IFT57: variants seen among roughly 807,000 people sequenced by gnomAD.
IFT57 encodes the protein intraflagellar transport protein 57 homolog.
A neutral mutation model predicts 56.8 loss-of-function variants in IFT57; 59 were observed. That is an observed-to-expected ratio of 1.04 (90% confidence interval 0.84 to 1.29). The LOEUF (loss-of-function observed/expected upper bound fraction) is 1.29. Ranked by LOEUF, IFT57 falls within the 50% of genes most tolerant of loss-of-function variation. IFT57 has a pLI of 0.00. For synonymous variants in IFT57, 209 were observed against 186.1 expected (o/e 1.12, Z -1.00); for missense variants, 470 against 522.1 (o/e 0.90, Z 0.97).
At chr3:108,211,196 A>G (rs1338042335) in intron 4 of IFT57, among the ~76,000 whole-genome samples, 1 of 152,210 alleles carries the variant, frequency 6.6e-6, no homozygotes, top group Non-Finnish European at 1.5e-5. Flanking sequence ...TCCTCAGACT[A>G]GCAGTTCTTA....
At chr3:108,204,429 T>C (rs148470191) in intron 5 of IFT57, among the ~76,000 whole-genome samples, 3 of 152,306 alleles carry the variant, frequency 2.0e-5, no homozygotes, top group Admixed American at 1.3e-4. Flanking sequence ...TCAGGACCAA[T>C]AAGGAATTGG....
In IFT57 at chr3:108,202,311, C is replaced by A. The variant is rs1377274; in HGVS notation, c.654+4317G>T. On this transcript the variant is annotated intron_variant, in intron 5 of 10. Coordinates refer to ENST00000264538, the MANE Select transcript of IFT57 (RefSeq NM_018010.4). ...TTACGGCATAGCCACTGTGAACATG[C>A]AAGCAGTGCCCAACTGACATATGCA... Among the ~76,000 whole-genome samples, 377 of 152,310 alleles carry A rather than the reference C, an allele frequency of 2.5e-3. 4 individuals carry two copies. Among genetic ancestry groups the A allele is most frequent in the African/African-American group, 8.7e-3 (363 of 41,564 alleles).
chr3:108,185,571 T>G (rs1350164427), intron 6 of IFT57, among the ~76,000 whole-genome samples: 1 of 147,528 alleles, frequency 6.8e-6, no homozygotes, highest in Non-Finnish European at 1.5e-5. Context: ...TTTTTTTTTT[T>G]TTTTTTGAGA....
chr3:108,177,564 A>C (rs1362101777), intron 6 of IFT57, among the ~76,000 whole-genome samples: 4 of 151,754 alleles, frequency 2.6e-5, no homozygotes, highest in Non-Finnish European at 5.9e-5. Flanking sequence ...CAAAAAAATC[A>C]ATCAATATAA....
At chr3:108,168,516 T>A (rs2080075040) in intron 6 of IFT57, among the ~76,000 whole-genome samples, 1 of 152,038 alleles carries the variant, frequency 6.6e-6, no homozygotes, top group Admixed American at 6.6e-5. Flanking sequence ...CTGGGATACA[T>A]GTGCAGAATG....
At chr3:108,219,147 G>A (rs937604775) in intron 2 of IFT57, among the ~76,000 whole-genome samples, 3 of 151,282 alleles carry the variant, frequency 2.0e-5, no homozygotes, top group African/African-American at 7.3e-5. Context: ...TTTAGATCAA[G>A]AATTAACCAC....
intron 6 of IFT57, 41 bp downstream of exon 6, chr3:108,191,480 C>G (rs1179635950): frequency 8.4e-7 from 1 of 1,189,080 alleles, no homozygotes. Context: ...TTCCTTATAA[C>G]TTTTTTTTTT....
intron 4 of IFT57, among the ~76,000 whole-genome samples, chr3:108,207,898 CCGGGCGTGGTGG>C (rs1233318271): frequency 6.6e-6 from 1 of 152,082 alleles, no homozygotes; most frequent in Non-Finnish European, 1.5e-5. Flanking sequence ...AAAAAATTAG[CCGGGCGTGGTGG>C]CGGGCGCCTG....
rs549892283 is a variant in IFT57, at chr3:108,172,256, C to T, written c.778-4392G>A. Among the ~76,000 whole-genome samples, 140 of 151,764 alleles carry T rather than the reference C, an allele frequency of 9.2e-4. 1 individual carries two copies. Among genetic ancestry groups the T allele is most frequent in the Non-Finnish European group, 9.0e-4 (61 of 67,840 alleles). ...TTCTTGGCTGAGGGAGTAACATGAACAAGGAAAATACATGGAGACCAAGCA... is the reference window on the plus strand; with the variant it reads ...TTCTTGGCTGAGGGAGTAACATGAATAAGGAAAATACATGGAGACCAAGCA... On this transcript the variant is annotated intron_variant, in intron 6 of 10. Transcript: ENST00000264538.
chr3:108,175,540 G>A (rs902212306), intron 6 of IFT57, among the ~76,000 whole-genome samples: 5 of 151,868 alleles, frequency 3.3e-5, no homozygotes, highest in Middle Eastern at 3.4e-3. Flanking sequence ...AGTATGAGAT[G>A]TAGTTGCAGC....
intron 5 of IFT57, among the ~76,000 whole-genome samples, chr3:108,197,742 A>C (rs187252604): frequency 6.6e-6 from 1 of 152,322 alleles, no homozygotes; most frequent in African/African-American, 2.4e-5. Flanking sequence ...TTGTCTTAAG[A>C]GTCACAACAG....
At chr3:108,178,008 C>T (rs964795950) in intron 6 of IFT57, among the ~76,000 whole-genome samples, 3 of 151,640 alleles carry the variant, frequency 2.0e-5, no homozygotes, top group Non-Finnish European at 2.9e-5. Context: ...TACAGATATA[C>T]ATAAAAAATT....
At chr3:108,181,694 T>C (rs993654919) in intron 6 of IFT57, among the ~76,000 whole-genome samples, 9 of 152,154 alleles carry the variant, frequency 5.9e-5, no homozygotes, top group African/African-American at 1.9e-4. Context: ...TGTACATTTA[T>C]GGCCTTACTA....
intron 6 of IFT57, among the ~76,000 whole-genome samples, chr3:108,178,663 G>A (rs1299477995): frequency 6.6e-6 from 1 of 151,704 alleles, no homozygotes; most frequent in Non-Finnish European, 1.5e-5. Flanking sequence ...AGTCAACCGG[G>A]AAATGCAAAT....
At chr3:108,217,066 T>C (rs1257529677) in intron 3 of IFT57, among the ~76,000 whole-genome samples, 1 of 152,110 alleles carries the variant, frequency 6.6e-6, no homozygotes, top group African/African-American at 2.4e-5. Context: ...TTAACAATAA[T>C]ATATATTTGA....
chr3:108,174,055 G>C (rs566559005), intron 6 of IFT57, among the ~76,000 whole-genome samples: 1 of 142,218 alleles, frequency 7.0e-6, no homozygotes, highest in Admixed American at 7.2e-5. Context: ...TTTAAGACAG[G>C]GATTTGAATA....
intron 10 of IFT57, 43 bp from the exon 11 acceptor site, chr3:108,162,698 G>C: frequency 6.9e-7 from 1 of 1,452,454 alleles, no homozygotes; most frequent in South Asian, 1.3e-5. Context: ...TTCATTTGGA[G>C]TATCAGTGTA....
At chr3:108,188,996 A>G (rs1026966409) in intron 6 of IFT57, among the ~76,000 whole-genome samples, 1 of 152,202 alleles carries the variant, frequency 6.6e-6, no homozygotes, top group African/African-American at 2.4e-5. Context: ...CCAACTATAC[A>G]ATTATTTTAA....
chr3:108,163,879 A>G (rs2080047237), intron 9 of IFT57, 150 bp from the exon 10 acceptor site: 1 of 596,414 alleles, frequency 1.7e-6, no homozygotes, highest in African/African-American at 1.9e-5. Flanking sequence ...TTCAAATAAT[A>G]TAAAGTATGC....
Sources: gnomAD v4.1 joint callset for allele counts (sites outside exome capture counted in the v4.1 genomes callset) on GRCh38, gnomAD v4.1.1 for gene constraint, MANE v1.5 for transcripts, NCBI Gene and HGNC (gene_info 2026-07-23, HGNC 2026-07-21) for gene names.